Variants in CD8B2 observed in about 807,000 individuals in gnomAD.
The protein encoded by CD8B2 is CD8B family member 2, also known as T-cell surface glycoprotein CD8 beta-2 chain.
In CD8B2, 11 loss-of-function variants were observed where a neutral mutation model predicts 23.7. The observed-to-expected ratio is 0.46, with a 90% CI of 0.29 to 0.77. CD8B2 has a LOEUF of 0.77. CD8B2 is among the 30% of genes least tolerant of loss of function. The pLI is 0.09. For missense variants in CD8B2, 197 were observed against 270.5 expected, an observed-to-expected ratio of 0.73 and a Z score of 1.91; for synonymous variants, 90 against 109.3, an observed-to-expected ratio of 0.82 and a Z score of 1.10.
chr2:106,493,494 T>C (rs1295144937), intron 2 of CD8B2, among the ~76,000 whole-genome samples: 1 of 152,032 alleles, frequency 6.6e-6, no homozygotes, highest in Non-Finnish European at 1.5e-5. Flanking sequence ...GGCTCACCAC[T>C]GACCATCTGA....
chr2:106,543,196 A>T (rs1000245833), intron 5 of CD8B2: 1 of 152,146 alleles, frequency 6.6e-6, no homozygotes, highest in Admixed American at 6.5e-5. Context: ...CTGCAGCTAC[A>T]AAGTCCTGCA....
chr2:106,524,083 G>A (rs1489209848), intron 5 of CD8B2, among the ~76,000 whole-genome samples: 1 of 152,126 alleles, frequency 6.6e-6, no homozygotes, highest in Admixed American at 6.5e-5. Context: ...ATCAAGTGTC[G>A]GCCATGTGGG....
At chr2:106,525,468 C>T (rs1230756749) in intron 5 of CD8B2, among the ~76,000 whole-genome samples, 1 of 152,182 alleles carries the variant, frequency 6.6e-6, no homozygotes, top group Non-Finnish European at 1.5e-5. Context: ...TGGAAAAGTA[C>T]ACATGACATG....
At position 106,506,135 on chromosome 2, in the gene CD8B2, C is replaced by CA. The variant is rs564708073; in HGVS notation, c.621-780dup. 3.3e-3 allele frequency among the ~76,000 whole-genome samples: 463 copies of CA among 140,084 alleles called. 6 individuals carry two copies. The highest frequency in any genetic ancestry group is 0.028 in the South Asian group (125 of 4,448). 91.9% of individuals were successfully genotyped at this position (140,084 alleles called of 152,430 possible). On this transcript the variant is annotated intron_variant, in intron 5 of 5. Coordinates refer to ENST00000643224, the MANE Select transcript of CD8B2 (RefSeq NM_001349727.2). ...GGGCAACAAGAGTGAAACTCTGTCT[C>CA]AAAAAAAAAAAAAGAAAGTTCCGTT...
intron 4 of CD8B2, among the ~76,000 whole-genome samples, chr2:106,504,022 A>G (rs1420481351): frequency 6.6e-6 from 1 of 152,210 alleles, no homozygotes; most frequent in African/African-American, 2.4e-5. Flanking sequence ...TACTAGCTGC[A>G]TGACTTTGGG....
chr2:106,532,058 G>T (rs970864955), intron 5 of CD8B2, among the ~76,000 whole-genome samples: 2 of 152,240 alleles, frequency 1.3e-5, no homozygotes, highest in Non-Finnish European at 2.9e-5. Context: ...CTTGATAAAT[G>T]CAACCATAGC....
At position 106,527,688 on chromosome 2, in the gene CD8B2, G is replaced by T. The variant is rs567197655; in HGVS notation, c.621-16304G>T. Reference sequence around the variant, plus strand: ...AATCTCAACTACTTGGGAGGCTGAGGCAGAGAATTGCTTGAACCAGGGAGG... The same window carrying T: ...AATCTCAACTACTTGGGAGGCTGAGTCAGAGAATTGCTTGAACCAGGGAGG... On this transcript the variant is annotated intron_variant, in intron 5 of 5. Transcript: ENST00000416057. 2.6e-5 allele frequency among the ~76,000 whole-genome samples: 4 copies of T among 152,306 alleles called. No individual in the cohort carries two copies. In the East Asian group the frequency reaches 7.7e-4, roughly 29 times the overall value.
At chr2:106,503,941 G>T (rs1158851668) in intron 4 of CD8B2, among the ~76,000 whole-genome samples, 2 of 152,154 alleles carry the variant, frequency 1.3e-5, no homozygotes, top group African/African-American at 2.4e-5. Flanking sequence ...TGCTGTGAAG[G>T]GCAAGCAGGT....
chr2:106,503,151 C>T (rs925342481), intron 4 of CD8B2, among the ~76,000 whole-genome samples: 12 of 151,578 alleles, frequency 7.9e-5, no homozygotes, highest in Admixed American at 5.3e-4. Context: ...ACAAGAAAGA[C>T]GGGGAGCCGG....
downstream of CD8B2, among the ~76,000 whole-genome samples, chr2:106,514,624 G>A (rs1291026489): frequency 6.6e-6 from 1 of 151,650 alleles, no homozygotes; most frequent in East Asian, 1.9e-4. Flanking sequence ...TAGTCATTGT[G>A]ACATACAGGG....
At chr2:106,516,508 A>G (rs1421535627) in intron 5 of CD8B2, among the ~76,000 whole-genome samples, 1 of 152,126 alleles carries the variant, frequency 6.6e-6, no homozygotes, top group Non-Finnish European at 1.5e-5. Context: ...TTCTTTCTGT[A>G]GTATTTATCC....
At chr2:106,494,970 T>C (rs932544710) in intron 2 of CD8B2, among the ~76,000 whole-genome samples, 1 of 152,166 alleles carries the variant, frequency 6.6e-6, no homozygotes, top group African/African-American at 2.4e-5. Context: ...GGGCACCCCC[T>C]CCTTCCATGA....
chr2:106,524,106 A>C (rs1406848443), intron 5 of CD8B2, among the ~76,000 whole-genome samples: 4 of 152,208 alleles, frequency 2.6e-5, no homozygotes, highest in African/African-American at 7.2e-5. Flanking sequence ...TGATTGTTAC[A>C]GGGCTTATGA....
intron 5 of CD8B2, among the ~76,000 whole-genome samples, chr2:106,533,350 C>A (rs1680019666): frequency 1.3e-5 from 2 of 152,202 alleles, no homozygotes; most frequent in African/African-American, 2.4e-5. Context: ...GGCTAGGGAG[C>A]AGACCAGGAT....
At chr2:106,538,220 G>C (rs7580203) in intron 5 of CD8B2, 1 of 152,006 alleles carries the variant, frequency 6.6e-6, no homozygotes, top group Non-Finnish European at 1.5e-5. Flanking sequence ...AGTGATTTGA[G>C]AAACGGGAAA....
Position 106,504,186 on chromosome 2 carries a change from G to A in CD8B2, c.584-103G>A, listed in dbSNP as rs893828967. ...CCAGGGTCTGGGACCAGGGAGGTGG[G>A]CTGAGGTGTCAGCTGCCCCTGTGAC... On this transcript the variant is annotated intron_variant, in intron 4 of 5. Transcript: ENST00000643224. The A allele has an allele frequency of 6.0e-6, 9 of 1,498,342 alleles. No individual in the cohort carries two copies. In the African/African-American group the frequency reaches 6.9e-5, roughly 12 times the overall value. 92.8% of individuals were successfully genotyped at this position (1,498,342 alleles called of 1,614,324 possible). A position where few individuals can be genotyped will look rare whatever the true frequency, so the allele number is the denominator to read the frequency against.
intron 1 of CD8B2, among the ~76,000 whole-genome samples, chr2:106,488,865 T>C (rs1397623307): frequency 6.6e-6 from 1 of 151,846 alleles, no homozygotes; most frequent in African/African-American, 2.4e-5. Context: ...CCCCAAGAAG[T>C]GAGTGACCCA....
intron 5 of CD8B2, among the ~76,000 whole-genome samples, chr2:106,529,116 T>A (rs1221498452): frequency 6.6e-6 from 1 of 152,208 alleles, no homozygotes; most frequent in Non-Finnish European, 1.5e-5. Context: ...CTGAGAGTGC[T>A]GGAAGTTTGC....
At chr2:106,535,995 G>A (rs1341040895) in intron 5 of CD8B2, among the ~76,000 whole-genome samples, 1 of 151,142 alleles carries the variant, frequency 6.6e-6, no homozygotes, top group African/African-American at 2.4e-5. Flanking sequence ...CATGGCCAGA[G>A]TAGCAAGAGA....
Sources: allele counts gnomAD v4.1 joint callset (sites outside exome capture counted in the v4.1 genomes callset), GRCh38; gene constraint gnomAD v4.1.1; transcripts MANE v1.5; gene names NCBI Gene and HGNC (gene_info 2026-07-23, HGNC 2026-07-21).